Variants in SERGEF observed in about 807,000 individuals in gnomAD.
SERGEF encodes secretion regulating guanine nucleotide exchange factor.
In SERGEF, 51 loss-of-function variants were observed where a neutral mutation model predicts 50.0. That is an observed-to-expected ratio of 1.02 (90% confidence interval 0.81 to 1.29). SERGEF has a LOEUF of 1.29. Among genes scored for constraint, SERGEF ranks in the 50% most tolerant of loss-of-function variants. The pLI is 0.00. For synonymous variants in SERGEF, 205 were observed against 212.4 expected, an observed-to-expected ratio of 0.97 and a Z score of 0.30; for missense variants, 521 against 557.0, an observed-to-expected ratio of 0.94 and a Z score of 0.65.
chr11:17,940,028 AG>A (rs1852531441), intron 9 of SERGEF, among the ~76,000 whole-genome samples: 1 of 152,236 alleles, frequency 6.6e-6, no homozygotes, highest in Admixed American at 6.5e-5. Context: ...AAAGAGCCCC[AG>A]AAAAACCTTT....
chr11:17,894,738 G>A (rs1019348515), intron 9 of SERGEF, among the ~76,000 whole-genome samples: 4 of 152,142 alleles, frequency 2.6e-5, no homozygotes, highest in African/African-American at 9.7e-5. Flanking sequence ...CTAAATGAAT[G>A]ACACTGAATT....
intron 9 of SERGEF, among the ~76,000 whole-genome samples, chr11:17,910,187 A>ACT (rs1341010777): frequency 0.022 from 2,645 of 119,568 alleles, 94 homozygotes; most frequent in African/African-American, 0.076. Flanking sequence ...ACACACACAC[A>ACT]CACACACTCT....
chr11:17,822,379 A>C (rs540088088), intron 10 of SERGEF, among the ~76,000 whole-genome samples: 1 of 152,354 alleles, frequency 6.6e-6, no homozygotes, highest in East Asian at 1.9e-4. Context: ...AGAAAAACTA[A>C]ATTCAAGGGG....
chr11:17,981,258 T>C (rs750171854), intron 8 of SERGEF, among the ~76,000 whole-genome samples: 12 of 152,268 alleles, frequency 7.9e-5, no homozygotes, highest in Non-Finnish European at 1.6e-4. Flanking sequence ...CATAGTACTA[T>C]ATGCATATAG....
At chr11:17,979,803 T>C (rs1011186757) in intron 8 of SERGEF, among the ~76,000 whole-genome samples, 1 of 152,232 alleles carries the variant, frequency 6.6e-6, no homozygotes, top group African/African-American at 2.4e-5. Flanking sequence ...TGCAGCATAC[T>C]AGGGTTTTAC....
chr11:17,954,322 G>A (rs1852823401), intron 9 of SERGEF, among the ~76,000 whole-genome samples: 4 of 152,162 alleles, frequency 2.6e-5, no homozygotes, highest in Admixed American at 2.6e-4. Context: ...AAGGAGGAAG[G>A]TCATTCAGGA....
At chr11:17,800,901 A>C (rs1849656191) in intron 10 of SERGEF, among the ~76,000 whole-genome samples, 1 of 152,110 alleles carries the variant, frequency 6.6e-6, no homozygotes, top group Non-Finnish European at 1.5e-5. Context: ...CAGGCCTTAA[A>C]ATTGAAGGGG....
intron 10 of SERGEF, among the ~76,000 whole-genome samples, chr11:17,849,799 C>T (rs1005918533): frequency 6.6e-6 from 1 of 152,158 alleles, no homozygotes; most frequent in African/African-American, 2.4e-5. Context: ...CGGTCAATAC[C>T]ATCAGTAAGT....
chr11:17,979,881 T>C (rs928002296), intron 8 of SERGEF, among the ~76,000 whole-genome samples: 3 of 152,216 alleles, frequency 2.0e-5, no homozygotes, highest in African/African-American at 7.2e-5. Flanking sequence ...AAATCAAGAC[T>C]GATCTTCACC....
intron 5 of SERGEF, among the ~76,000 whole-genome samples, chr11:17,996,907 A>G (rs1853848195): frequency 6.6e-6 from 1 of 152,238 alleles, no homozygotes; most frequent in South Asian, 2.1e-4. Flanking sequence ...CAAAAACTCA[A>G]CAACCAAAAG....
chr11:17,948,012 G>A (rs956731781), intron 9 of SERGEF, among the ~76,000 whole-genome samples: 1 of 145,670 alleles, frequency 6.9e-6, no homozygotes, highest in Non-Finnish European at 1.5e-5. Flanking sequence ...GAGTACAGTA[G>A]CACAATCTCA....
At chr11:17,981,120 A>G (rs1459590216) in intron 8 of SERGEF, among the ~76,000 whole-genome samples, 1 of 152,198 alleles carries the variant, frequency 6.6e-6, no homozygotes, top group African/African-American at 2.4e-5. Flanking sequence ...TAGAGCCTGC[A>G]GTGTCTGGGT....
intron 10 of SERGEF, among the ~76,000 whole-genome samples, chr11:17,793,069 C>T (rs186726880): frequency 2.0e-5 from 3 of 152,212 alleles, no homozygotes; most frequent in East Asian, 1.9e-4. Flanking sequence ...GATAATGGTA[C>T]GTAGGTCCCC....
chr11:17,968,709 TAAA>T (rs35149608), intron 8 of SERGEF, among the ~76,000 whole-genome samples: 1 of 143,658 alleles, frequency 7.0e-6, no homozygotes, highest in Non-Finnish European at 1.5e-5. Flanking sequence ...GTCTCTAATT[TAAA>T]AAAAAAAAAA....
intron 10 of SERGEF, among the ~76,000 whole-genome samples, chr11:17,801,020 C>A (rs2133825673): frequency 6.6e-6 from 1 of 152,044 alleles, no homozygotes; most frequent in East Asian, 1.9e-4. Context: ...ACGGTGAAAG[C>A]CTGTCTCTAC....
intron 9 of SERGEF, chr11:17,939,741 A>T (rs1852526557): frequency 6.6e-6 from 1 of 152,248 alleles, no homozygotes; most frequent in Non-Finnish European, 1.5e-5. Flanking sequence ...CAAAAGTGCA[A>T]ACACAAAGCA....
At chr11:18,009,240 C>T (rs1854146680) in intron 1 of SERGEF, among the ~76,000 whole-genome samples, 2 of 152,070 alleles carry the variant, frequency 1.3e-5, no homozygotes, top group South Asian at 2.1e-4. Flanking sequence ...TTATATGCTC[C>T]CATATTTAGA....
At chr11:17,898,578 C>A (rs1851688726) in intron 9 of SERGEF, among the ~76,000 whole-genome samples, 1 of 152,168 alleles carries the variant, frequency 6.6e-6, no homozygotes, top group Admixed American at 6.5e-5. Context: ...CACTGAATAT[C>A]TAATGGCCCA....
intron 9 of SERGEF, among the ~76,000 whole-genome samples, chr11:17,902,287 T>C (rs937470656): frequency 6.6e-6 from 1 of 152,090 alleles, no homozygotes; most frequent in East Asian, 1.9e-4. Context: ...AGTTCAAAAG[T>C]TGGGAGTCTA....
Sources: allele counts gnomAD v4.1 joint callset (sites outside exome capture counted in the v4.1 genomes callset), GRCh38; gene constraint gnomAD v4.1.1; transcripts MANE v1.5; gene names NCBI Gene and HGNC (gene_info 2026-07-23, HGNC 2026-07-21).